The following ZNF385B variants were observed in gnomAD, a reference collection of about 807,000 sequenced individuals.
ZNF385B encodes the protein zinc finger protein 533.
Under a neutral mutation model 39.2 loss-of-function variants are expected in ZNF385B, and 23 were observed. The observed-to-expected ratio is 0.59, with a 90% confidence interval of 0.42 to 0.83. ZNF385B has a LOEUF of 0.83. Among genes scored for constraint, ZNF385B ranks in the 40% least tolerant of loss-of-function variants. The pLI, the probability that ZNF385B is intolerant of heterozygous loss-of-function variation, is 0.00. For missense variants in ZNF385B, 552 were observed against 598.9 expected, an observed-to-expected ratio of 0.92 and a Z score of 0.82; for synonymous variants, 205 against 222.6, an observed-to-expected ratio of 0.92 and a Z score of 0.70.
chr2:179,788,720 G>A (rs1044133368), intron 1 of ZNF385B, among the ~76,000 whole-genome samples: 1 of 152,132 alleles, frequency 6.6e-6, no homozygotes, highest in African/African-American at 2.4e-5. Context: ...ATCAAAATCC[G>A]AGACTGTTCA....
At chr2:179,806,438 G>A (rs923779822) in intron 1 of ZNF385B, among the ~76,000 whole-genome samples, 1 of 152,172 alleles carries the variant, frequency 6.6e-6, no homozygotes, top group East Asian at 1.9e-4. Flanking sequence ...GTGAGGCATG[G>A]AGGTCATGAA....
At chr2:179,618,284 G>C (rs1033321378) in intron 3 of ZNF385B, among the ~76,000 whole-genome samples, 2 of 152,088 alleles carry the variant, frequency 1.3e-5, no homozygotes, top group Admixed American at 1.3e-4. Flanking sequence ...CTGTATTCTT[G>C]CCTACTTATT....
intron 3 of ZNF385B, among the ~76,000 whole-genome samples, chr2:179,574,730 A>G (rs1332891913): frequency 1.3e-5 from 2 of 152,204 alleles, no homozygotes; most frequent in African/African-American, 2.4e-5. Context: ...GTGAACATTT[A>G]TAAGTATGGA....
Position 179,500,127 on chromosome 2 carries a change from T to TG in ZNF385B, c.553-16694dup, listed in dbSNP as rs1029682826. 1.6e-4 allele frequency among the ~76,000 whole-genome samples: 24 copies of TG among 152,008 alleles called. 1 individual carries two copies. The highest frequency in any genetic ancestry group is 5.8e-4 in the African/African-American group (24 of 41,510). On this transcript the variant is annotated intron_variant, in intron 5 of 9. Transcript: ENST00000410066. ...AAACTGTAAAATTGATGAAAAAAAT[T>TG]GAAGAGGACACAAAAAGTGAAAGGA...
At chr2:179,714,704 G>A (rs755147768) in intron 3 of ZNF385B, among the ~76,000 whole-genome samples, 3 of 152,024 alleles carry the variant, frequency 2.0e-5, no homozygotes, top group Non-Finnish European at 4.4e-5. Context: ...CCAGCACTTT[G>A]GGAGGGGGAG....
rs187537405 is a variant in ZNF385B at position 179,631,183 on chromosome 2, C to T, written c.299-86214G>A. 3.9e-5 allele frequency among the ~76,000 whole-genome samples: 6 copies of T among 152,248 alleles called. No individual in the cohort carries two copies. The East Asian group carries it at 1.2e-3, about 29-fold the overall frequency. ...AAATACAGAGAACACCACAAAGATA[C>T]TCCTCGACACGAGCAACCACAGGAC... On this transcript the variant is annotated intron_variant, in intron 3 of 9. Transcript: ENST00000410066.
At chr2:179,562,657 A>G (rs1281052368) in intron 3 of ZNF385B, 4 of 891,190 alleles carry the variant, frequency 4.5e-6, no homozygotes, top group Non-Finnish European at 5.4e-6. Context: ...ACAGAACCAA[A>G]TATATCCTAA....
chr2:179,715,917 T>C (rs1019228930), intron 3 of ZNF385B, among the ~76,000 whole-genome samples: 1 of 152,092 alleles, frequency 6.6e-6, no homozygotes, highest in Non-Finnish European at 1.5e-5. Flanking sequence ...AATGTGGGAG[T>C]GGTATGCCCA....
chr2:179,451,563 T>A lies in ZNF385B; in HGVS notation c.716-4793A>T, dbSNP rs192940287. Among the ~76,000 whole-genome samples the A allele has an allele frequency of 1.0e-3, 153 of 152,240 alleles. 1 individual carries two copies. The highest frequency in any genetic ancestry group is 3.3e-3 in the African/African-American group (136 of 41,552). ...TCTAAAATTCAGATAAATTATGTTT[T>A]AAATTTTTTTTCTCAGATAGGCCAG... On this transcript the variant is annotated intron_variant, in intron 6 of 9. Transcript: ENST00000410066.
chr2:179,724,718 T>C (rs1700897209), intron 3 of ZNF385B, among the ~76,000 whole-genome samples: 1 of 152,146 alleles, frequency 6.6e-6, no homozygotes, highest in African/African-American at 2.4e-5. Context: ...GATAAAAATA[T>C]TGAAATAGAA....
intron 1 of ZNF385B, among the ~76,000 whole-genome samples, chr2:179,812,487 T>C (rs1706798002): frequency 6.6e-6 from 1 of 152,218 alleles, no homozygotes; most frequent in Non-Finnish European, 1.5e-5. Flanking sequence ...TAATGTGTTT[T>C]GCCACAATAT....
At chr2:179,746,101 T>C in intron 3 of ZNF385B, 2 of 930,200 alleles carry the variant, frequency 2.2e-6, no homozygotes, top group Non-Finnish European at 2.6e-6. Flanking sequence ...AAGCCTTCAT[T>C]ATCAATGCAT....
Position 179,518,516 on chromosome 2 carries a change from G to A in ZNF385B, c.552+12C>T, listed in dbSNP as rs1173022610. On this transcript the variant is annotated intron_variant, in intron 5 of 9. Transcript: ENST00000410066. ...GACAAACTACAGAGAATAATGAAAA[G>A]GTGATACTCACATCTGAGTTAAAGC... 2 of 1,546,062 alleles carry A rather than the reference G, an allele frequency of 1.3e-6. No homozygotes were observed. Among genetic ancestry groups the A allele is most frequent in the East Asian group, 4.6e-5 (2 of 43,660 alleles).
intron 3 of ZNF385B, among the ~76,000 whole-genome samples, chr2:179,606,172 T>C (rs560030296): frequency 6.6e-6 from 1 of 152,266 alleles, no homozygotes; most frequent in East Asian, 1.9e-4. Flanking sequence ...GTTGATAAAA[T>C]GATCAACTAG....
At chr2:179,683,045 T>C (rs1019421083) in intron 3 of ZNF385B, among the ~76,000 whole-genome samples, 1 of 152,060 alleles carries the variant, frequency 6.6e-6, no homozygotes, top group African/African-American at 2.4e-5. Flanking sequence ...CTGCCAAATA[T>C]TAGGTACAAT....
rs562674960 is a variant in ZNF385B, at chr2:179,553,007, T to C, written c.299-8038A>G. ...CACAGAGAGATTAAGCCCAACTTCA[T>C]ATAGTTTGTATGTAGAGGAGCCAGA... On this transcript the variant is annotated intron_variant, in intron 3 of 9. Coordinates refer to ENST00000410066, the MANE Select transcript of ZNF385B (RefSeq NM_152520.6). Among the ~76,000 whole-genome samples the C allele has an allele frequency of 3.6e-4, 54 of 149,234 alleles. 2 individuals carry two copies. The highest frequency in any genetic ancestry group is 7.0e-4 in the Non-Finnish European group (47 of 67,524).
intron 1 of ZNF385B, among the ~76,000 whole-genome samples, chr2:179,793,439 G>A (rs1705464494): frequency 6.6e-6 from 1 of 152,176 alleles, no homozygotes; most frequent in South Asian, 2.1e-4. Flanking sequence ...GGAGAGACCT[G>A]GTGGGAGGTG....
intron 1 of ZNF385B, among the ~76,000 whole-genome samples, chr2:179,830,973 C>T (rs1243765162): frequency 6.6e-6 from 1 of 152,122 alleles, no homozygotes; most frequent in Non-Finnish European, 1.5e-5. Context: ...TACAGAAGAA[C>T]TCTCTATACT....
chr2:179,444,759 G>T, intron 9 of ZNF385B, 117 bp downstream of exon 9: 1 of 836,582 alleles, frequency 1.2e-6, no homozygotes, highest in Non-Finnish European at 2.0e-6. Flanking sequence ...GTCTATGAGG[G>T]CTATTTAAAT....
Sources: gnomAD v4.1 joint callset for allele counts (sites outside exome capture counted in the v4.1 genomes callset) on GRCh38, gnomAD v4.1.1 for gene constraint, MANE v1.5 for transcripts, NCBI Gene and HGNC (gene_info 2026-07-23, HGNC 2026-07-21) for gene names.